Variants in GALNT17 observed in about 807,000 individuals in gnomAD.
GALNT17 encodes the protein polypeptide N-acetylgalactosaminyltransferase 17.
GALNT17 carries 29 observed loss-of-function variants against 63.7 expected under a neutral mutation model. That is an observed-to-expected ratio of 0.46 (90% CI 0.34 to 0.62). The LOEUF (loss-of-function observed/expected upper bound fraction) is 0.62. Ranked by LOEUF, GALNT17 falls within the 20% of genes least tolerant of loss-of-function variation. The probability of loss-of-function intolerance (pLI) is 0.01; values close to 1 mark genes in which losing one functional copy is unlikely to be tolerated. For synonymous variants in GALNT17, 305 were observed against 318.3 expected, an observed-to-expected ratio of 0.96 and a Z score of 0.45; for missense variants, 603 against 799.6, an observed-to-expected ratio of 0.75 and a Z score of 2.97.
chr7:71,150,210 G>GT (rs1170411487), intron 1 of GALNT17, among the ~76,000 whole-genome samples: 2 of 152,206 alleles, frequency 1.3e-5, no homozygotes, highest in East Asian at 1.9e-4. Context: ...GAAAGAACAT[G>GT]TTTTTTTCTT....
chr7:71,177,729 C>T (rs1057353473), intron 1 of GALNT17, among the ~76,000 whole-genome samples: 7 of 152,086 alleles, frequency 4.6e-5, no homozygotes, highest in Admixed American at 6.5e-5. Context: ...ACGAGTTGCT[C>T]ATATGAGCAT....
At chr7:71,607,561 A>G (rs998533117) in intron 6 of GALNT17, among the ~76,000 whole-genome samples, 5 of 152,230 alleles carry the variant, frequency 3.3e-5, no homozygotes, top group African/African-American at 7.2e-5. Flanking sequence ...GTTAGAAAAC[A>G]TGACACGTAC....
intron 2 of GALNT17, among the ~76,000 whole-genome samples, chr7:71,373,299 G>A (rs1312021014): frequency 6.6e-6 from 1 of 152,148 alleles, no homozygotes; most frequent in Non-Finnish European, 1.5e-5. Flanking sequence ...TTCTTTTATG[G>A]TTGGGAATTC....
intron 5 of GALNT17, among the ~76,000 whole-genome samples, chr7:71,561,225 C>G (rs1789251080): frequency 6.6e-6 from 1 of 152,088 alleles, no homozygotes. Context: ...GTTGCCCGAG[C>G]TGGTCTTGAA....
chr7:71,541,751 G>T (rs1269115830), intron 5 of GALNT17, among the ~76,000 whole-genome samples: 7 of 152,108 alleles, frequency 4.6e-5, no homozygotes, highest in Non-Finnish European at 7.4e-5. Flanking sequence ...GGGATGCCTT[G>T]CTGTTAATCT....
At chr7:71,367,540 T>A (rs568745553) in intron 2 of GALNT17, among the ~76,000 whole-genome samples, 24 of 152,044 alleles carry the variant, frequency 1.6e-4, no homozygotes, top group African/African-American at 5.6e-4. Context: ...TCTATGTGGT[T>A]GTTTGCCTTT....
intron 9 of GALNT17, among the ~76,000 whole-genome samples, chr7:71,682,765 T>C (rs1791287332): frequency 1.3e-5 from 2 of 152,126 alleles, no homozygotes. Context: ...CTTCCCAGGC[T>C]GGTGTAGAAG....
chr7:71,272,261 G>A (rs576926471), intron 1 of GALNT17, among the ~76,000 whole-genome samples: 23 of 152,204 alleles, frequency 1.5e-4, no homozygotes, highest in African/African-American at 5.5e-4. Flanking sequence ...CAGTTTGGGG[G>A]AATCATGAAT....
chr7:71,138,701 C>T (rs1367833579), intron 1 of GALNT17, among the ~76,000 whole-genome samples: 1 of 152,144 alleles, frequency 6.6e-6, no homozygotes, highest in Non-Finnish European at 1.5e-5. Flanking sequence ...TGGTCGGGCA[C>T]AGTGGCTCAC....
intron 6 of GALNT17, among the ~76,000 whole-genome samples, chr7:71,589,734 T>C (rs1789771165): frequency 6.6e-6 from 1 of 152,248 alleles, no homozygotes; most frequent in African/African-American, 2.4e-5. Context: ...ATACTGGGAT[T>C]GACACAAGTC....
At chr7:71,364,373 T>G (rs778410437) in intron 2 of GALNT17, among the ~76,000 whole-genome samples, 36 of 152,178 alleles carry the variant, frequency 2.4e-4, no homozygotes, top group Non-Finnish European at 5.0e-4. Context: ...AGTGTCTCGC[T>G]TCAGTCCTGG....
chr7:71,655,021 C>G (rs113615752), intron 6 of GALNT17, among the ~76,000 whole-genome samples: 4 of 152,116 alleles, frequency 2.6e-5, no homozygotes, highest in Admixed American at 6.6e-5. Flanking sequence ...AACTTCTGAC[C>G]TCAGGTGATC....
At chr7:71,647,685 T>A (rs548667378) in intron 6 of GALNT17, among the ~76,000 whole-genome samples, 16 of 152,342 alleles carry the variant, frequency 1.1e-4, no homozygotes, top group Admixed American at 7.8e-4. Context: ...TCTGTGGCCA[T>A]GAACACATCC....
intron 5 of GALNT17, among the ~76,000 whole-genome samples, chr7:71,423,633 G>A (rs1563081904): frequency 1.3e-5 from 2 of 152,180 alleles, no homozygotes; most frequent in Non-Finnish European, 1.5e-5. Flanking sequence ...TAAAAGTTTA[G>A]CCAGGCCCAG....
chr7:71,712,342 T>G lies in GALNT17; in HGVS notation c.*196T>G. 3.7e-6 allele frequency: 2 copies of G among 545,090 alleles called. No homozygotes were observed. The highest frequency in any genetic ancestry group is 3.1e-6 in the Non-Finnish European group (1 of 325,946). 33.8% of individuals were successfully genotyped at this position (545,090 alleles called of 1,614,324 possible). ...CTCAGGCATTCAGCTGCCCACAAGT[T>G]TCCTGCACCCTGGAAAAGCCCCCCA... is the stretch of plus-strand genomic sequence containing the variant. On this transcript the variant is annotated 3_prime_UTR_variant, in exon 11 of 11. Transcript: ENST00000333538.
At chr7:71,149,636 C>T (rs754364811) in intron 1 of GALNT17, among the ~76,000 whole-genome samples, 2 of 152,080 alleles carry the variant, frequency 1.3e-5, no homozygotes, top group Non-Finnish European at 2.9e-5. Flanking sequence ...GTAAATCCAG[C>T]CCATAATTAG....
At position 71,694,432 on chromosome 7, in the gene GALNT17, A is replaced by G. The variant is rs1348569826; in HGVS notation, c.1501-16329A>G. ...AAGTGCAGTTGCACAATCTCGGCTCACTGCAACCTCTGCCACTCAGGTTTA... is the reference window on the plus strand; with the variant it reads ...AAGTGCAGTTGCACAATCTCGGCTCGCTGCAACCTCTGCCACTCAGGTTTA... On this transcript the variant is annotated intron_variant, in intron 9 of 10. Transcript: ENST00000333538. 6.2e-5 allele frequency among the ~76,000 whole-genome samples: 9 copies of G among 146,054 alleles called. No homozygotes were observed. In the Admixed American group the frequency reaches 6.4e-4, roughly 10 times the overall value.
At chr7:71,357,315 C>T (rs934023042) in intron 2 of GALNT17, among the ~76,000 whole-genome samples, 5 of 152,076 alleles carry the variant, frequency 3.3e-5, no homozygotes, top group East Asian at 1.9e-4. Context: ...CTCATAGGAG[C>T]GCGAACCCTA....
At chr7:71,711,919 T>C (rs1468857500) in intron 10 of GALNT17, 99 bp from the exon 11 acceptor site, 2 of 1,348,304 alleles carry the variant, frequency 1.5e-6, no homozygotes, top group Non-Finnish European at 2.1e-6. Flanking sequence ...CTCTTTGTCA[T>C]TTTCTCTCTC....
Sources: gnomAD v4.1 joint callset for allele counts (sites outside exome capture counted in the v4.1 genomes callset) on GRCh38, gnomAD v4.1.1 for gene constraint, MANE v1.5 for transcripts, NCBI Gene and HGNC (gene_info 2026-07-23, HGNC 2026-07-21) for gene names.